LGR5: variants seen among roughly 807,000 people sequenced by gnomAD.
LGR5 encodes the protein leucine rich repeat containing G protein-coupled receptor 5.
In LGR5, 54 loss-of-function variants were observed where a neutral mutation model predicts 76.7. The observed-to-expected ratio is 0.70, with a 90% confidence interval of 0.57 to 0.88. The LOEUF is 0.88. Among genes scored for constraint, LGR5 ranks in the 40% least tolerant of loss-of-function variants. LGR5 has a pLI of 0.00. For missense variants in LGR5, 1,078 were observed against 1,073.3 expected (o/e 1.00, Z -0.06); for synonymous variants, 406 against 421.9 (o/e 0.96, Z 0.46).
intron 3 of LGR5, among the ~76,000 whole-genome samples, chr12:71,528,008 G>C (rs772210558): frequency 6.6e-6 from 1 of 152,110 alleles, no homozygotes; most frequent in Non-Finnish European, 1.5e-5. Context: ...GTATTGAAAC[G>C]TTTTATAAGA....
intron 15 of LGR5, among the ~76,000 whole-genome samples, chr12:71,579,165 G>T (rs1215163129): frequency 6.6e-6 from 1 of 152,100 alleles, no homozygotes; most frequent in Non-Finnish European, 1.5e-5. Flanking sequence ...AGAGTTCATA[G>T]GAGGAGTTTG....
At chr12:71,535,777 C>T (rs189352750) in intron 4 of LGR5, among the ~76,000 whole-genome samples, 142 of 152,292 alleles carry the variant, frequency 9.3e-4, no homozygotes, top group Non-Finnish European at 9.6e-4. Context: ...CTTAGATTCA[C>T]ACACCACACA....
intron 4 of LGR5, among the ~76,000 whole-genome samples, chr12:71,539,100 G>A (rs995307392): frequency 6.6e-6 from 1 of 152,234 alleles, no homozygotes; most frequent in South Asian, 2.1e-4. Context: ...CACTGCCTAA[G>A]AAATGCAGAA....
At chr12:71,496,370 C>CAAAAAA (rs67593850) in intron 1 of LGR5, among the ~76,000 whole-genome samples, 37 of 99,464 alleles carry the variant, frequency 3.7e-4, no homozygotes, top group African/African-American at 1.2e-3. Context: ...TCCATCTCAA[C>CAAAAAA]AAAAAAAAAA....
chr12:71,552,977 C>T lies in LGR5; in HGVS notation c.429-96C>T, dbSNP rs1045681997. The T allele has an allele frequency of 8.1e-6, 9 of 1,116,388 alleles. No homozygotes were observed. The African/African-American group carries it at 1.4e-4, about 17-fold the overall frequency. The allele number at this position is 1,116,388 out of a possible 1,614,324, so 69.2% of individuals were successfully genotyped here. A position where few individuals can be genotyped will look rare whatever the true frequency, so the allele number is the denominator to read the frequency against. On this transcript the variant is annotated intron_variant, in intron 4 of 17. Transcript: ENST00000266674. ...CTCGGGGACCCCAGGCCCTGTTCCA[C>T]TCTTGTTCATCATGCATGGGGAGGG... is the stretch of plus-strand genomic sequence containing the variant.
chr12:71,541,097 T>A (rs559678112), intron 4 of LGR5, among the ~76,000 whole-genome samples: 1 of 152,300 alleles, frequency 6.6e-6, no homozygotes, highest in East Asian at 1.9e-4. Context: ...CGGAACCATA[T>A]GCAGATCAGC....
At chr12:71,517,203 C>G (rs1453570325) in intron 2 of LGR5, among the ~76,000 whole-genome samples, 1 of 152,104 alleles carries the variant, frequency 6.6e-6, no homozygotes, top group Non-Finnish European at 1.5e-5. Context: ...TAAAGCCACC[C>G]CACATGGTAA....
At chr12:71,524,922 A>G (rs1211621827) in intron 3 of LGR5, among the ~76,000 whole-genome samples, 2 of 152,206 alleles carry the variant, frequency 1.3e-5, no homozygotes, top group African/African-American at 4.8e-5. Flanking sequence ...CCACCTGTGA[A>G]TAGATAGGGT....
At position 71,533,063 on chromosome 12, in the gene LGR5, G is replaced by A. The variant is rs756961726; in HGVS notation, c.357-2052G>A. Among the ~76,000 whole-genome samples the A allele has an allele frequency of 1.2e-3, 188 of 152,092 alleles. 3 individuals are homozygous for A. The highest frequency in any genetic ancestry group is 5.7e-4 in the Non-Finnish European group (39 of 68,018). On this transcript the variant is annotated intron_variant, in intron 3 of 17. Transcript: ENST00000266674. ...AAATAAATAAATACATAGGCTGGGC[G>A]TGGCGGCTCACACCTGGGATTACAG...
chr12:71,558,627 A>G (rs751058678), intron 6 of LGR5, among the ~76,000 whole-genome samples: 33 of 152,242 alleles, frequency 2.2e-4, no homozygotes, highest in Admixed American at 5.9e-4. Flanking sequence ...CCAGACAAGT[A>G]GGAACCTTGA....
At chr12:71,512,981 C>T (rs1875239156) in intron 2 of LGR5, among the ~76,000 whole-genome samples, 1 of 152,080 alleles carries the variant, frequency 6.6e-6, no homozygotes, top group African/African-American at 2.4e-5. Context: ...TCTGTGTTTC[C>T]CAGTGTAGTT....
At chr12:71,533,136 G>C (rs1446312945) in intron 3 of LGR5, among the ~76,000 whole-genome samples, 4 of 152,108 alleles carry the variant, frequency 2.6e-5, no homozygotes, top group Non-Finnish European at 5.9e-5. Flanking sequence ...CTTGAGGTCA[G>C]GAGTTTGAGA....
intron 1 of LGR5, among the ~76,000 whole-genome samples, chr12:71,489,697 G>T (rs1266847551): frequency 6.6e-6 from 1 of 152,094 alleles, no homozygotes; most frequent in Non-Finnish European, 1.5e-5. Context: ...CACTAGAAAT[G>T]AGAAATACTT....
In LGR5 at chr12:71,440,297, G is replaced by A; in HGVS notation, c.212+5G>A. ...CAGCGTCTTCACCTCCTACCTGTAA[G>A]TACTTCCCCACGTCACTCCGGGAGA... On this transcript the variant is annotated splice_donor_5th_base_variant and intron_variant, in intron 1 of 17. Coordinates refer to ENST00000266674, the MANE Select transcript of LGR5 (RefSeq NM_003667.4). The surrounding 1 kb of genome is among the most constrained non-coding windows in gnomAD (Gnocchi z 5.3). 6.2e-7 allele frequency: 1 copy of A among 1,608,394 alleles called. No individual in the cohort carries two copies. Among genetic ancestry groups the A allele is most frequent in the Non-Finnish European group, 8.5e-7 (1 of 1,179,282 alleles).
At chr12:71,567,917 T>A (rs1797376) in intron 11 of LGR5, among the ~76,000 whole-genome samples, 134,043 of 152,104 alleles carry the variant, frequency 0.88, 61,047 homozygotes, top group East Asian at 1. Flanking sequence ...TTTAATTTGT[T>A]AAAATCACAA....
At chr12:71,550,021 C>G (rs1283714507) in intron 4 of LGR5, among the ~76,000 whole-genome samples, 1 of 152,100 alleles carries the variant, frequency 6.6e-6, no homozygotes, top group Non-Finnish European at 1.5e-5. Context: ...ATACCTGGGT[C>G]ACTTCAAGAT....
intron 3 of LGR5, 40 bp downstream of exon 3, chr12:71,524,517 A>G (rs1875888585): frequency 7.1e-7 from 1 of 1,399,360 alleles, no homozygotes; most frequent in Admixed American, 1.7e-5. Context: ...TTCTGATTTT[A>G]GTGTCAAATG....
At chr12:71,456,997 C>CT (rs1008315374) in intron 1 of LGR5, among the ~76,000 whole-genome samples, 15 of 151,272 alleles carry the variant, frequency 9.9e-5, no homozygotes, top group African/African-American at 2.9e-4. Context: ...CCCCATCTCA[C>CT]TTTTTTTTTA....
intron 2 of LGR5, among the ~76,000 whole-genome samples, chr12:71,510,522 A>C (rs191914591): frequency 2.6e-5 from 4 of 152,126 alleles, no homozygotes; most frequent in Non-Finnish European, 4.4e-5. Flanking sequence ...TCCTTTCTCT[A>C]TACTTCCTCC....
Sources: gnomAD v4.1 joint callset for allele counts (sites outside exome capture counted in the v4.1 genomes callset) on GRCh38, gnomAD v4.1.1 for gene constraint, Gnocchi (gnomAD v3.1) non-coding constraint, MANE v1.5 for transcripts, NCBI Gene and HGNC (gene_info 2026-07-23, HGNC 2026-07-21) for gene names.